GABRB3: variants seen among roughly 807,000 people sequenced by gnomAD.
GABRB3 encodes gamma-aminobutyric acid receptor subunit beta-3.
GABRB3 carries 14 observed loss-of-function variants against 52.1 expected under a neutral mutation model. The observed-to-expected ratio is 0.27, with a 90% CI of 0.18 to 0.42. The LOEUF (loss-of-function observed/expected upper bound fraction) is 0.42. GABRB3 is among the 10% of genes least tolerant of loss of function. The pLI is 1.00. For synonymous variants in GABRB3, 260 were observed against 232.3 expected, an observed-to-expected ratio of 1.12 and a Z score of -1.08; for missense variants, 307 against 609.1, an observed-to-expected ratio of 0.50 and a Z score of 5.22.
At chr15:26,755,449 AC>A (rs1432778411) in intron 3 of GABRB3, among the ~76,000 whole-genome samples, 7 of 152,210 alleles carry the variant, frequency 4.6e-5, no homozygotes, top group Admixed American at 1.3e-4. Flanking sequence ...TCTATTGCTC[AC>A]CTATCAGAAT....
At chr15:26,553,363 G>A (rs1650154896) in intron 8 of GABRB3, 1 of 152,208 alleles carries the variant, frequency 6.6e-6, no homozygotes, top group African/African-American at 2.4e-5. Context: ...TGTTAGCCAG[G>A]ATGGTCTCCA....
chr15:26,709,326 G>A (rs1160529087), intron 3 of GABRB3, among the ~76,000 whole-genome samples: 1 of 151,982 alleles, frequency 6.6e-6, no homozygotes, highest in Non-Finnish European at 1.5e-5. Context: ...CAGGAGAGTT[G>A]TTAAAAGGCC....
chr15:26,644,772 C>A (rs1595505542), intron 3 of GABRB3, among the ~76,000 whole-genome samples: 2 of 152,122 alleles, frequency 1.3e-5, no homozygotes, highest in African/African-American at 2.4e-5. Flanking sequence ...AACAACAGGG[C>A]CTTCCTGATG....
rs549614494 is a variant in GABRB3, at chr15:26,672,109, C to T, written c.241-50575G>A. 4.6e-5 allele frequency among the ~76,000 whole-genome samples: 7 copies of T among 152,128 alleles called. No homozygotes were observed. The South Asian group carries it at 1.5e-3, about 32-fold the overall frequency. Reference sequence around the variant, plus strand: ...TCTTTTCCCTCCCTCCTTTTCTTTGCGTGCTTAGAACTTTACAAACTGTTG... The same window carrying T: ...TCTTTTCCCTCCCTCCTTTTCTTTGTGTGCTTAGAACTTTACAAACTGTTG... On this transcript the variant is annotated intron_variant, in intron 3 of 8. Transcript: ENST00000311550.
intron 3 of GABRB3, among the ~76,000 whole-genome samples, chr15:26,722,317 G>A (rs964750993): frequency 2.6e-5 from 4 of 152,128 alleles, no homozygotes; most frequent in East Asian, 1.9e-4. Flanking sequence ...ATCTCTGGAC[G>A]GCTGTTTGGG....
At chr15:26,679,738 G>T (rs1888179808) in intron 3 of GABRB3, among the ~76,000 whole-genome samples, 1 of 152,044 alleles carries the variant, frequency 6.6e-6, no homozygotes, top group Non-Finnish European at 1.5e-5. Context: ...GCCTGTCCCA[G>T]TGAGCAGGGC....
At chr15:26,634,547 G>A (rs1026878357) in intron 3 of GABRB3, among the ~76,000 whole-genome samples, 5 of 152,110 alleles carry the variant, frequency 3.3e-5, no homozygotes, top group Admixed American at 3.3e-4. Context: ...TAGAGGATGA[G>A]TGCCTAGACT....
intron 3 of GABRB3, among the ~76,000 whole-genome samples, chr15:26,754,493 A>G (rs933862494): frequency 4.6e-5 from 7 of 152,228 alleles, no homozygotes; most frequent in South Asian, 2.1e-4. Flanking sequence ...TTCACAATCA[A>G]TGTGGAAAAA....
intron 4 of GABRB3, chr15:26,616,015 G>A: frequency 7.8e-7 from 1 of 1,289,196 alleles, no homozygotes; most frequent in Non-Finnish European, 1.0e-6. Context: ...TTTAACTTCA[G>A]TGTTCTCAGC....
intron 3 of GABRB3, among the ~76,000 whole-genome samples, chr15:26,759,612 C>T (rs1890758211): frequency 6.6e-6 from 1 of 152,210 alleles, no homozygotes; most frequent in Admixed American, 6.5e-5. Flanking sequence ...TTAAAATTAT[C>T]TGCATTAAAT....
intron 3 of GABRB3, among the ~76,000 whole-genome samples, chr15:26,638,358 G>A (rs1893110103): frequency 6.6e-6 from 1 of 152,196 alleles, no homozygotes; most frequent in South Asian, 2.1e-4. Context: ...CTGGCTGGCT[G>A]CTCTGCTCAG....
At position 26,772,740 on chromosome 15, in the gene GABRB3, T is replaced by C; in HGVS notation, c.113A>G (p.Lys38Arg). Residue 38 changes from lysine to arginine, a missense_variant, in exon 2 of 9, where the codon AAG becomes AGG. By Grantham distance (26) the Lys-to-Arg change is conservative (BLOSUM62 2). Transcript: ENST00000311550. Reference protein sequence around the residue: ...VNDPGNMSFVKETVDKLLKGY... With the variant: ...VNDPGNMSFVRETVDKLLKGY... Reference sequence around the variant, plus strand: ...TTTCAACAGCTTGTCCACCGTCTCCTTCACAAAGGACATGTTCCCGGGATC... The same window carrying C: ...TTTCAACAGCTTGTCCACCGTCTCCCTCACAAAGGACATGTTCCCGGGATC... 6.4e-7 allele frequency: 1 copy of C among 1,573,436 alleles called. No homozygotes were observed. The highest frequency in any genetic ancestry group is 8.6e-7 in the Non-Finnish European group (1 of 1,159,256).
At chr15:26,667,432 G>T in intron 3 of GABRB3, among the ~76,000 whole-genome samples, 1 of 152,194 alleles carries the variant, frequency 6.6e-6, no homozygotes, top group African/African-American at 2.4e-5. Context: ...AGAAGAACCA[G>T]TTCAGGATGG....
chr15:26,742,776 C>G (rs1353335708), intron 3 of GABRB3, among the ~76,000 whole-genome samples: 1 of 152,150 alleles, frequency 6.6e-6, no homozygotes, highest in African/African-American at 2.4e-5. Context: ...GTTATTCTCA[C>G]CCATGTATTC....
At chr15:26,754,608 A>G (rs1890606267) in intron 3 of GABRB3, among the ~76,000 whole-genome samples, 1 of 152,192 alleles carries the variant, frequency 6.6e-6, no homozygotes, top group African/African-American at 2.4e-5. Context: ...ATGATGTCTG[A>G]CTTTTTTTTT....
At chr15:26,612,304 A>C (rs759146600) in intron 4 of GABRB3, 2 of 152,248 alleles carry the variant, frequency 1.3e-5, no homozygotes, top group Non-Finnish European at 2.9e-5. Flanking sequence ...AAAAATCATC[A>C]TTATAAGCAA....
intron 4 of GABRB3, among the ~76,000 whole-genome samples, chr15:26,593,287 A>G (rs1232016437): frequency 6.6e-6 from 1 of 152,198 alleles, no homozygotes; most frequent in East Asian, 1.9e-4. Flanking sequence ...CTTAAACATG[A>G]AACAATCAAA....
chr15:26,709,507 TTTTC>T (rs1566814157), intron 3 of GABRB3, among the ~76,000 whole-genome samples: 4 of 134,028 alleles, frequency 3.0e-5, no homozygotes, highest in East Asian at 2.2e-4. Flanking sequence ...CTTTTCTTTT[TTTTC>T]TTTCTTTTTT....
intron 4 of GABRB3, 79 bp from the exon 5 acceptor site, chr15:26,583,493 T>A: frequency 8.4e-7 from 1 of 1,196,906 alleles, no homozygotes; most frequent in South Asian, 1.2e-5. Context: ...GATAAACGAG[T>A]AAGCCCCTGT....
Sources: allele counts gnomAD v4.1 joint callset (sites outside exome capture counted in the v4.1 genomes callset), GRCh38; gene constraint gnomAD v4.1.1; transcripts MANE v1.5; gene names NCBI Gene and HGNC (gene_info 2026-07-23, HGNC 2026-07-21).